Variants in MALT1 observed in about 807,000 individuals in gnomAD.
MALT1 encodes mucosa-associated lymphoid tissue lymphoma translocation protein 1.
Under a neutral mutation model 85.5 loss-of-function variants are expected in MALT1, and 36 were observed. That is an observed-to-expected ratio of 0.42 (90% CI 0.32 to 0.56). The LOEUF (loss-of-function observed/expected upper bound fraction) is 0.56, where lower values mean the gene tolerates loss of function less well. MALT1 is among the 20% of genes least tolerant of loss of function. The probability of loss-of-function intolerance (pLI) is 0.10; values close to 1 mark genes in which losing one functional copy is unlikely to be tolerated. For synonymous variants in MALT1, 359 were observed against 361.3 expected (o/e 0.99, Z 0.07); for missense variants, 716 against 981.6 (o/e 0.73, Z 3.62).
chr18:58,693,845 A>G (rs1421777405), intron 2 of MALT1, among the ~76,000 whole-genome samples: 3 of 152,192 alleles, frequency 2.0e-5, no homozygotes, highest in Admixed American at 1.3e-4. Context: ...TAAAGCCAGG[A>G]TAGCCAAAAC....
At position 58,736,630 on chromosome 18, in the gene MALT1, T is replaced by C. The variant is rs1393800904; in HGVS notation, c.1603+1301T>C. 2.0e-5 allele frequency among the ~76,000 whole-genome samples: 3 copies of C among 152,354 alleles called. No individual in the cohort carries two copies. In the East Asian group the frequency reaches 5.8e-4, roughly 29 times the overall value. On this transcript the variant is annotated intron_variant, in intron 13 of 16. Coordinates refer to ENST00000649217, the MANE Select transcript of MALT1 (RefSeq NM_006785.4). The stretch of plus-strand genomic sequence containing the variant: ...ACATATGATATTTACCAAATTGTCA[T>C]AGCAATGAATGGCATCCCGATATGT...
chr18:58,721,463 G>A (rs1271314924), intron 9 of MALT1, among the ~76,000 whole-genome samples: 1 of 152,168 alleles, frequency 6.6e-6, no homozygotes, highest in Admixed American at 6.5e-5. Context: ...CTTTTTCATT[G>A]AATTAATAAT....
chr18:58,699,518 C>T (rs1192904416), intron 3 of MALT1, among the ~76,000 whole-genome samples: 7 of 152,068 alleles, frequency 4.6e-5, no homozygotes, highest in African/African-American at 1.4e-4. Flanking sequence ...GTTGAATATC[C>T]CTTGTCTGAA....
At position 58,741,833 on chromosome 18, in the gene MALT1, TTAAAAA is replaced by T. The variant is rs771238056; in HGVS notation, c.1604-28_1604-23del. On this transcript the variant is annotated intron_variant, in intron 13 of 16. Transcript: ENST00000649217. ...ATTTAAAACATAAGAATTGGTGGTCTTAAAAATAATATTTATTTTCATATCTTTTAG... is the reference window on the plus strand; with the variant it reads ...ATTTAAAACATAAGAATTGGTGGTCTTAATATTTATTTTCATATCTTTTAG... 2.9e-6 allele frequency: 4 copies of T among 1,365,440 alleles called. No individual in the cohort carries two copies. In the African/African-American group the frequency reaches 4.3e-5, roughly 15 times the overall value. The allele number at this position is 1,365,440 out of a possible 1,614,324, so 84.6% of individuals were successfully genotyped here. A position where few individuals can be genotyped will look rare whatever the true frequency, so the allele number is the denominator to read the frequency against.
intron 4 of MALT1, among the ~76,000 whole-genome samples, chr18:58,702,316 G>A (rs894971200): frequency 7.2e-5 from 11 of 151,988 alleles, no homozygotes; most frequent in Admixed American, 2.6e-4. Context: ...CCCGGGAGGC[G>A]GAGGTTGCAG....
chr18:58,727,628 G>GTTTTTTTTTTTTTTTTTTTTTTTT (rs74183292), intron 10 of MALT1, among the ~76,000 whole-genome samples: 10 of 130,644 alleles, frequency 7.7e-5, no homozygotes, highest in African/African-American at 1.8e-4. Flanking sequence ...TTTTTTTTTT[G>GTTTTTTTTTTTTTTTTTTTTTTTT]TTTTTTTTTT....
intron 2 of MALT1, among the ~76,000 whole-genome samples, chr18:58,694,383 C>T (rs953503663): frequency 6.6e-6 from 1 of 152,076 alleles, no homozygotes; most frequent in African/African-American, 2.4e-5. Flanking sequence ...CTGTTATTTA[C>T]ACTGTTTCCT....
chr18:58,679,968 GAGCCCAGGAGTTTGAAACC>G (rs2054296946), intron 1 of MALT1, among the ~76,000 whole-genome samples: 1 of 152,044 alleles, frequency 6.6e-6, no homozygotes, highest in African/African-American at 2.4e-5. Context: ...ATTATTGCTT[GAGCCCAGGAGTTTGAAACC>G]AGCCTGGGCA....
At chr18:58,706,779 G>A (rs185960565) in intron 4 of MALT1, among the ~76,000 whole-genome samples, 2 of 152,210 alleles carry the variant, frequency 1.3e-5, no homozygotes, top group South Asian at 2.1e-4. Context: ...CTTTAAAGAT[G>A]CCATTCCATT....
At chr18:58,700,399 T>C in intron 3 of MALT1, 42 bp from the exon 4 acceptor site, 1 of 1,492,588 alleles carries the variant, frequency 6.7e-7, no homozygotes, top group South Asian at 1.3e-5. Context: ...ATAAGGTGTG[T>C]TTTTGATGAG....
chr18:58,682,647 T>A (rs1315437777), intron 2 of MALT1, among the ~76,000 whole-genome samples: 1 of 152,190 alleles, frequency 6.6e-6, no homozygotes, highest in Non-Finnish European at 1.5e-5. Flanking sequence ...CTCGCCTGGC[T>A]TGAAGCCAGG....
At chr18:58,698,931 C>A in intron 3 of MALT1, among the ~76,000 whole-genome samples, 1 of 152,184 alleles carries the variant, frequency 6.6e-6, no homozygotes, top group East Asian at 1.9e-4. Context: ...GGTACTTTTA[C>A]TCTTGGTCTG....
rs1767748012 is a variant in MALT1, at chr18:58,733,659, C to T, written c.1400+85C>T. The stretch of plus-strand genomic sequence containing the variant: ...AGAGAAACCTGTGAAATGCTAAAAG[C>T]CATTTGCGTTTGTGAATTTTAGTTT... On this transcript the variant is annotated intron_variant, in intron 11 of 16. Transcript: ENST00000649217. 3 of 1,099,906 alleles carry T rather than the reference C, an allele frequency of 2.7e-6. No individual in the cohort carries two copies. In the East Asian group the frequency reaches 7.3e-5, roughly 27 times the overall value. The allele number at this position is 1,099,906 out of a possible 1,614,324, so 68.1% of individuals were successfully genotyped here. A position where few individuals can be genotyped will look rare whatever the true frequency, so the allele number is the denominator to read the frequency against.
In MALT1 at chr18:58,723,033, C is replaced by T. The variant is rs1555687705; in HGVS notation, c.1019-15C>T. On this transcript the variant is annotated splice_polypyrimidine_tract_variant and intron_variant, in intron 9 of 16. Transcript: ENST00000649217. ...TATATCTTCTTTAAACACCCCCTTT[C>T]TTTTTTTTTCAAAGCGAAGGACAAG... 1 of 1,574,078 alleles carries T rather than the reference C, an allele frequency of 6.4e-7. No individual in the cohort carries two copies. The highest frequency in any genetic ancestry group is 8.7e-7 in the Non-Finnish European group (1 of 1,148,514).
At chr18:58,723,981 G>A (rs923544923) in intron 10 of MALT1, among the ~76,000 whole-genome samples, 3 of 152,178 alleles carry the variant, frequency 2.0e-5, no homozygotes, top group African/African-American at 7.2e-5. Flanking sequence ...TCTGAACCGT[G>A]TTTTGCAGGA....
At chr18:58,687,262 G>A (rs1181945635) in intron 2 of MALT1, among the ~76,000 whole-genome samples, 2 of 152,176 alleles carry the variant, frequency 1.3e-5, no homozygotes, top group Non-Finnish European at 2.9e-5. Flanking sequence ...AGTAGAGGGA[G>A]AGAAAGGGCT....
At chr18:58,718,202 C>A (rs537953870) in intron 9 of MALT1, among the ~76,000 whole-genome samples, 1 of 152,178 alleles carries the variant, frequency 6.6e-6, no homozygotes, top group Non-Finnish European at 1.5e-5. Flanking sequence ...CATTCCATAG[C>A]CTCCGTTAGC....
At chr18:58,745,958 G>A (rs1329711419) in intron 16 of MALT1, among the ~76,000 whole-genome samples, 167 bp downstream of exon 16, 1 of 152,062 alleles carries the variant, frequency 6.6e-6, no homozygotes, top group Non-Finnish European at 1.5e-5. Context: ...ATGGTGACCA[G>A]AGGACTTTAT....
chr18:58,687,557 A>G (rs1432527337), intron 2 of MALT1, among the ~76,000 whole-genome samples: 3 of 152,210 alleles, frequency 2.0e-5, no homozygotes, highest in Admixed American at 2.0e-4. Context: ...CTTCTGTGAT[A>G]GCATAGAAGA....
Sources: allele counts gnomAD v4.1 joint callset (sites outside exome capture counted in the v4.1 genomes callset), GRCh38; gene constraint gnomAD v4.1.1; transcripts MANE v1.5; gene names NCBI Gene and HGNC (gene_info 2026-07-23, HGNC 2026-07-21).